Variants in CDH13 observed in about 807,000 individuals in gnomAD.
CDH13 encodes cadherin 13.
Under a neutral mutation model 63.8 loss-of-function variants are expected in CDH13, and 24 were observed. The ratio of observed to expected loss-of-function variants is 0.38; its 90% confidence interval spans 0.27 to 0.53. CDH13 has a LOEUF of 0.53. CDH13 is among the 20% of genes least tolerant of loss of function. The pLI is 0.85. For missense variants in CDH13, 1,049 were observed against 903.1 expected, an observed-to-expected ratio of 1.16 and a Z score of -2.07; for synonymous variants, 503 against 355.3, an observed-to-expected ratio of 1.42 and a Z score of -4.67.
intron 3 of CDH13, among the ~76,000 whole-genome samples, chr16:83,088,785 T>A (rs977712881): frequency 6.6e-6 from 1 of 152,034 alleles, no homozygotes; most frequent in Non-Finnish European, 1.5e-5. Context: ...TTTATGGTAA[T>A]TTTTTTTGCC....
intron 6 of CDH13, among the ~76,000 whole-genome samples, chr16:83,478,693 G>C (rs2073676908): frequency 1.3e-5 from 2 of 152,002 alleles, no homozygotes; most frequent in Non-Finnish European, 2.9e-5. Context: ...AATTGGGCTG[G>C]AATCACCTCT....
chr16:83,787,847 G>A (rs1020296700), intron 13 of CDH13, among the ~76,000 whole-genome samples: 2 of 152,156 alleles, frequency 1.3e-5, no homozygotes, highest in Non-Finnish European at 2.9e-5. Context: ...GGAGGCTGAG[G>A]CAGGAGAATC....
intron 5 of CDH13, among the ~76,000 whole-genome samples, chr16:83,262,138 T>G (rs963935433): frequency 1.3e-5 from 2 of 152,204 alleles, no homozygotes; most frequent in African/African-American, 2.4e-5. Context: ...GCTTATTGTC[T>G]TTTAATATTC....
At chr16:83,080,174 C>G (rs925358145) in intron 3 of CDH13, among the ~76,000 whole-genome samples, 6 of 152,094 alleles carry the variant, frequency 3.9e-5, no homozygotes, top group African/African-American at 1.4e-4. Context: ...CTTTCTCTCT[C>G]GGTTCATCCA....
chr16:83,716,397 C>G (rs536449785), intron 10 of CDH13, among the ~76,000 whole-genome samples: 3 of 152,310 alleles, frequency 2.0e-5, no homozygotes, highest in East Asian at 3.9e-4. Context: ...TTTCAGAACT[C>G]TAAATATCCC....
At chr16:82,855,718 CTTTTCACTTTGATT>C (rs1567603968) in intron 1 of CDH13, among the ~76,000 whole-genome samples, 1 of 152,172 alleles carries the variant, frequency 6.6e-6, no homozygotes, top group Non-Finnish European at 1.5e-5. Flanking sequence ...CCACAGCGTT[CTTTTCACTTTGATT>C]TGAGGGAGAT....
chr16:82,675,915 G>A lies in CDH13; in HGVS notation c.45+48778G>A, dbSNP rs529338467. ...CCTAGACCATATCCTTGGGAGACCA[G>A]AGCAGCTGTAAGCAGCAAACTGCCT... On this transcript the variant is annotated intron_variant, in intron 1 of 13. Coordinates refer to ENST00000567109, the MANE Select transcript of CDH13 (RefSeq NM_001257.5). Among the ~76,000 whole-genome samples, 3 of 152,308 alleles carry A rather than the reference G, an allele frequency of 2.0e-5. No homozygotes were observed. The Middle Eastern group carries it at 0.01, about 518-fold the overall frequency.
intron 7 of CDH13, among the ~76,000 whole-genome samples, chr16:83,571,537 C>T (rs566699282): frequency 1.3e-5 from 2 of 152,062 alleles, no homozygotes; most frequent in South Asian, 2.1e-4. Context: ...ATAACAGGCC[C>T]CGAGTTTGTA....
At chr16:82,812,356 A>T (rs1458163479) in intron 1 of CDH13, among the ~76,000 whole-genome samples, 2 of 151,116 alleles carry the variant, frequency 1.3e-5, no homozygotes, top group Non-Finnish European at 2.9e-5. Context: ...TTCCCCAAAG[A>T]AAAAAATGAG....
chr16:83,475,839 C>G (rs889915292), intron 6 of CDH13, among the ~76,000 whole-genome samples: 30 of 152,206 alleles, frequency 2.0e-4, no homozygotes, highest in African/African-American at 7.0e-4. Flanking sequence ...CCCACCTCGG[C>G]CTCCCAAAGT....
intron 7 of CDH13, among the ~76,000 whole-genome samples, chr16:83,600,058 T>C (rs1231513431): frequency 6.6e-6 from 1 of 152,036 alleles, no homozygotes. Flanking sequence ...AGCCTGAGAA[T>C]AGATGGGATT....
intron 4 of CDH13, among the ~76,000 whole-genome samples, chr16:83,165,031 C>A (rs2151717996): frequency 6.6e-6 from 1 of 151,358 alleles, no homozygotes; most frequent in Non-Finnish European, 1.5e-5. Flanking sequence ...TGCCCAGAGC[C>A]CAGCCCACGC....
intron 1 of CDH13, among the ~76,000 whole-genome samples, chr16:82,801,820 G>C (rs1316575992): frequency 6.7e-6 from 1 of 149,682 alleles, no homozygotes. Flanking sequence ...AGCTTTAAAA[G>C]TTTGTTGTTC....
At position 82,962,026 on chromosome 16, in the gene CDH13, T is replaced by G. The variant is rs535721584; in HGVS notation, c.158-69984T>G. ...GATGTAAATCCATGGTAAAATAACATAGATGCTATGACATGTGGCCCACTG... is the reference window on the plus strand; with the variant it reads ...GATGTAAATCCATGGTAAAATAACAGAGATGCTATGACATGTGGCCCACTG... On this transcript the variant is annotated intron_variant, in intron 2 of 13. Coordinates refer to ENST00000567109, the MANE Select transcript of CDH13 (RefSeq NM_001257.5). Among the ~76,000 whole-genome samples the G allele has an allele frequency of 6.7e-5, 10 of 149,084 alleles. 1 individual carries two copies. The East Asian group carries it at 1.9e-3, about 29-fold the overall frequency.
intron 7 of CDH13, among the ~76,000 whole-genome samples, chr16:83,517,564 A>G (rs1454106609): frequency 6.6e-6 from 1 of 152,098 alleles, no homozygotes; most frequent in Non-Finnish European, 1.5e-5. Flanking sequence ...CCCTTTGGCT[A>G]GAACTAGTCA....
intron 3 of CDH13, among the ~76,000 whole-genome samples, chr16:83,050,366 C>G (rs1311695289): frequency 6.6e-6 from 1 of 152,148 alleles, no homozygotes; most frequent in East Asian, 1.9e-4. Context: ...TGAGAAGTCA[C>G]CCAACTGTCT....
intron 5 of CDH13, among the ~76,000 whole-genome samples, chr16:83,329,994 G>T (rs1057262879): frequency 6.6e-6 from 1 of 152,138 alleles, no homozygotes. Context: ...ACATGAGTAC[G>T]CAAATATATC....
chr16:82,942,211 T>C (rs1904296241), intron 2 of CDH13, among the ~76,000 whole-genome samples: 1 of 152,142 alleles, frequency 6.6e-6, no homozygotes, highest in South Asian at 2.1e-4. Context: ...ATTTTGTGTA[T>C]GGTGTGAGGT....
chr16:82,690,049 T>A (rs1364874423), intron 1 of CDH13, among the ~76,000 whole-genome samples: 3 of 122,500 alleles, frequency 2.4e-5, no homozygotes, highest in African/African-American at 9.3e-5. Context: ...ATGCCTGTAA[T>A]CTCAGCTACT....
Sources: gnomAD v4.1 joint callset for allele counts (sites outside exome capture counted in the v4.1 genomes callset) on GRCh38, gnomAD v4.1.1 for gene constraint, MANE v1.5 for transcripts, NCBI Gene and HGNC (gene_info 2026-07-23, HGNC 2026-07-21) for gene names.